Variants in COX10 observed in about 807,000 individuals in gnomAD.
The protein encoded by COX10 is protoheme IX farnesyltransferase, mitochondrial.
A neutral mutation model predicts 37.3 loss-of-function variants in COX10; 27 were observed. That is an observed-to-expected ratio of 0.72 (90% CI 0.53 to 1.00). The LOEUF (loss-of-function observed/expected upper bound fraction) is 1.00, where lower values mean the gene tolerates loss of function less well. Among genes scored for constraint, COX10 ranks in the 50% least tolerant of loss-of-function variants. COX10 has a pLI of 0.00. For synonymous variants in COX10, 222 were observed against 229.1 expected, an observed-to-expected ratio of 0.97 and a Z score of 0.28; for missense variants, 475 against 563.2, an observed-to-expected ratio of 0.84 and a Z score of 1.59.
In COX10 at chr17:14,070,054, C is replaced by T. The variant is rs1490877982; in HGVS notation, c.43+406C>T. On this transcript the variant is annotated intron_variant, in intron 1 of 6. Transcript: ENST00000261643. ...TTGCTTCCACTCAGAAGCCTTGTTC[C>T]AATATAAAGGGTCATGATGACAACG... Among the ~76,000 whole-genome samples, 6 of 152,174 alleles carry T rather than the reference C, an allele frequency of 3.9e-5. No homozygotes were observed. In the East Asian group the frequency reaches 1.2e-3, roughly 29 times the overall value.
At chr17:14,087,680 G>A (rs941076133) in intron 3 of COX10, among the ~76,000 whole-genome samples, 2 of 151,470 alleles carry the variant, frequency 1.3e-5, no homozygotes, top group Non-Finnish European at 2.9e-5. Flanking sequence ...CTTTTTCTCC[G>A]AAAGGTTTTT....
chr17:14,071,336 A>G (rs2142178190), intron 1 of COX10, among the ~76,000 whole-genome samples: 1 of 152,212 alleles, frequency 6.6e-6, no homozygotes, highest in African/African-American at 2.4e-5. Context: ...CAGTCTTTGC[A>G]GTGGTGGTAT....
rs1915907029 is a variant in COX10 at position 14,107,042 on chromosome 17, G to A, written c.624+4800G>A. Reference sequence around the variant, plus strand: ...AGTTTGGACAAGATGTCTGTTGTGTGGGCTGTCCTGTGTGTTGCAGAGTGC... The same window carrying A: ...AGTTTGGACAAGATGTCTGTTGTGTAGGCTGTCCTGTGTGTTGCAGAGTGC... On this transcript the variant is annotated intron_variant, in intron 4 of 6. Transcript: ENST00000261643. 2.0e-5 allele frequency among the ~76,000 whole-genome samples: 3 copies of A among 152,124 alleles called. No homozygotes were observed. The South Asian group carries it at 6.2e-4, about 32-fold the overall frequency.
intron 4 of COX10, among the ~76,000 whole-genome samples, chr17:14,146,953 C>T (rs145605574): frequency 8.9e-4 from 136 of 152,280 alleles, no homozygotes; most frequent in African/African-American, 2.9e-3. Context: ...GATATCATCT[C>T]ACCCCAGTTA....
intron 4 of COX10, among the ~76,000 whole-genome samples, chr17:14,107,679 AC>A (rs1915925145): frequency 6.6e-6 from 1 of 151,998 alleles, no homozygotes; most frequent in African/African-American, 2.4e-5. Flanking sequence ...TTACACACAC[AC>A]ACACACACAC....
At chr17:14,202,985 C>CGCATT (rs1906591441) in intron 6 of COX10, among the ~76,000 whole-genome samples, 1 of 152,112 alleles carries the variant, frequency 6.6e-6, no homozygotes, top group African/African-American at 2.4e-5. Flanking sequence ...TCAAGTCACC[C>CGCATT]GCATTGCATT....
chr17:14,170,639 A>T (rs1182388945), intron 5 of COX10, among the ~76,000 whole-genome samples: 4 of 152,092 alleles, frequency 2.6e-5, no homozygotes, highest in African/African-American at 9.7e-5. Flanking sequence ...ACGTAGTGAG[A>T]CCCTGTCTTT....
chr17:14,138,199 T>C (rs1329103938), intron 4 of COX10, among the ~76,000 whole-genome samples: 1 of 152,150 alleles, frequency 6.6e-6, no homozygotes, highest in East Asian at 1.9e-4. Flanking sequence ...CACCATACTG[T>C]ATATGACATG....
intron 5 of COX10, among the ~76,000 whole-genome samples, 198 bp downstream of exon 5, chr17:14,160,145 G>A (rs1485600214): frequency 2.0e-5 from 3 of 152,076 alleles, no homozygotes; most frequent in Non-Finnish European, 4.4e-5. Flanking sequence ...ATGTAAGAGT[G>A]GCAGGGTTTT....
chr17:14,080,407 G>A (rs1018197433), intron 3 of COX10, among the ~76,000 whole-genome samples: 1 of 151,768 alleles, frequency 6.6e-6, no homozygotes, highest in African/African-American at 2.4e-5. Flanking sequence ...TAGAGACGGG[G>A]TTTCACCATG....
chr17:14,071,929 G>A (rs1915034998), intron 1 of COX10, among the ~76,000 whole-genome samples: 1 of 151,826 alleles, frequency 6.6e-6, no homozygotes, highest in African/African-American at 2.4e-5. Flanking sequence ...AAAAATGTCA[G>A]CATTTTTTAG....
At chr17:14,188,430 G>A (rs1414699231) in intron 5 of COX10, among the ~76,000 whole-genome samples, 1 of 148,678 alleles carries the variant, frequency 6.7e-6, no homozygotes, top group African/African-American at 2.5e-5. Context: ...ATGTATGAGG[G>A]AACTTCAAAA....
intron 4 of COX10, among the ~76,000 whole-genome samples, chr17:14,150,715 CTG>C (rs1400423430): frequency 6.6e-6 from 1 of 152,200 alleles, no homozygotes; most frequent in Admixed American, 6.5e-5. Flanking sequence ...TCAGTAATCA[CTG>C]TGTCCAGGAG....
intron 5 of COX10, among the ~76,000 whole-genome samples, chr17:14,166,397 G>A (rs527832090): frequency 6.6e-6 from 1 of 152,266 alleles, no homozygotes; most frequent in Non-Finnish European, 1.5e-5. Flanking sequence ...GGAAAACAAA[G>A]CCTGGATACC....
At chr17:14,105,226 A>G (rs949909775) in intron 4 of COX10, among the ~76,000 whole-genome samples, 4 of 152,166 alleles carry the variant, frequency 2.6e-5, no homozygotes, top group Non-Finnish European at 5.9e-5. Flanking sequence ...CAGTAAATAC[A>G]TTTCTACAAG....
At chr17:14,174,967 C>T (rs2323742) in intron 5 of COX10, among the ~76,000 whole-genome samples, 69,071 of 127,330 alleles carry the variant, frequency 0.54, 19,496 homozygotes, top group East Asian at 0.61. Flanking sequence ...AAAAGCACTA[C>T]GTTAAGTGAA....
chr17:14,081,280 C>T (rs1204132723), intron 3 of COX10, among the ~76,000 whole-genome samples: 1 of 152,010 alleles, frequency 6.6e-6, no homozygotes, highest in Non-Finnish European at 1.5e-5. Context: ...TGGTGGTCAA[C>T]TGAGAAACGA....
chr17:14,097,843 C>T (rs967058608), intron 3 of COX10, among the ~76,000 whole-genome samples: 12 of 152,080 alleles, frequency 7.9e-5, no homozygotes, highest in African/African-American at 2.2e-4. Context: ...TATAATACAT[C>T]GTCCCTTGGA....
At chr17:14,099,589 A>G (rs1243017363) in intron 3 of COX10, among the ~76,000 whole-genome samples, 1 of 151,484 alleles carries the variant, frequency 6.6e-6, no homozygotes, top group Non-Finnish European at 1.5e-5. Flanking sequence ...ATGCCACCTT[A>G]TTGTCTTGAT....
Sources: allele counts gnomAD v4.1 joint callset (sites outside exome capture counted in the v4.1 genomes callset), GRCh38; gene constraint gnomAD v4.1.1; transcripts MANE v1.5; gene names NCBI Gene and HGNC (gene_info 2026-07-23, HGNC 2026-07-21).